Variants in MRPS35 observed in about 807,000 individuals in gnomAD.
MRPS35 encodes mitochondrial ribosomal protein S35.
MRPS35 carries 29 observed loss-of-function variants against 32.7 expected under a neutral mutation model. The ratio of observed to expected loss-of-function variants is 0.89; its 90% CI spans 0.66 to 1.21. The LOEUF (loss-of-function observed/expected upper bound fraction) is 1.21. MRPS35 is among the 50% of genes most tolerant of loss of function. The pLI, the probability that MRPS35 is intolerant of heterozygous loss-of-function variation, is 0.00. For synonymous variants in MRPS35, 148 were observed against 139.3 expected, an observed-to-expected ratio of 1.06 and a Z score of -0.44; for missense variants, 373 against 383.8, an observed-to-expected ratio of 0.97 and a Z score of 0.23.
At chr12:27,724,236 A>G in intron 5 of MRPS35, 50 bp downstream of exon 5, 1 of 1,431,096 alleles carries the variant, frequency 7.0e-7, no homozygotes, top group East Asian at 2.7e-5. Flanking sequence ...ATTCTAATAC[A>G]TTATTTAAAG....
At chr12:27,738,012 T>A (rs1043351338) in intron 7 of MRPS35, among the ~76,000 whole-genome samples, 1 of 152,192 alleles carries the variant, frequency 6.6e-6, no homozygotes, top group African/African-American at 2.4e-5. Context: ...TTATTGAAAT[T>A]TTTAGTTAAC....
intron 1 of MRPS35, among the ~76,000 whole-genome samples, chr12:27,714,047 C>T (rs1433900791): frequency 6.9e-5 from 10 of 145,532 alleles, no homozygotes; most frequent in African/African-American, 2.1e-4. Context: ...TGCAATCCAG[C>T]CTGGGCGAGA....
chr12:27,739,690 C>A (rs193165999), intron 7 of MRPS35, among the ~76,000 whole-genome samples: 88 of 152,334 alleles, frequency 5.8e-4, no homozygotes, highest in African/African-American at 1.9e-3. Context: ...AGCAACATGG[C>A]TGAATTAGCT....
intron 3 of MRPS35, among the ~76,000 whole-genome samples, chr12:27,716,767 C>T (rs1190468159): frequency 2.0e-5 from 3 of 152,110 alleles, no homozygotes; most frequent in African/African-American, 7.2e-5. Flanking sequence ...GTGGGCAGAT[C>T]ACTTGAGGTC....
chr12:27,737,558 A>G lies in MRPS35; in HGVS notation c.652A>G (p.Asn218Asp). The G allele has an allele frequency of 6.2e-7, 1 of 1,612,454 alleles. No individual in the cohort carries two copies. Among genetic ancestry groups the G allele is most frequent in the Non-Finnish European group, 8.5e-7 (1 of 1,178,746 alleles). ...KTDRCPLRRQ[N>D]YDYAVYLLTV... ...TAATAGGTGCCCTTTAAGGAGGCAGAATTACGATTATGCAGTGTATCTACT... is the reference window on the plus strand; with the variant it reads ...TAATAGGTGCCCTTTAAGGAGGCAGGATTACGATTATGCAGTGTATCTACT... The change falls in exon 7 of 8, where the codon AAT (asparagine) becomes GAT (aspartate). Residue 218 changes from asparagine (N) to aspartate (D), a missense_variant. Transcript: ENST00000081029.
At chr12:27,711,628 C>T (rs1221028747) in intron 1 of MRPS35, among the ~76,000 whole-genome samples, 2 of 151,980 alleles carry the variant, frequency 1.3e-5, no homozygotes, top group Admixed American at 6.6e-5. Context: ...AATTTACTCT[C>T]CTCATACTAC....
chr12:27,732,984 G>T (rs2061927368), intron 5 of MRPS35, among the ~76,000 whole-genome samples: 3 of 80,938 alleles, frequency 3.7e-5, no homozygotes, highest in Admixed American at 1.5e-4. Context: ...GTAGTCATTT[G>T]AAGATATATA....
At chr12:27,721,505 A>G (rs980518879) in intron 4 of MRPS35, among the ~76,000 whole-genome samples, 1 of 152,128 alleles carries the variant, frequency 6.6e-6, no homozygotes, top group Non-Finnish European at 1.5e-5. Flanking sequence ...AAAAAACACA[A>G]AAAATTAGCC....
intron 5 of MRPS35, among the ~76,000 whole-genome samples, chr12:27,730,717 C>T (rs2061919083): frequency 6.6e-6 from 1 of 152,148 alleles, no homozygotes; most frequent in Non-Finnish European, 1.5e-5. Flanking sequence ...GTGATACTCT[C>T]ACCTCAGCCT....
Position 27,755,423 on chromosome 12 carries a change from C to T in MRPS35, c.945C>T (p.Ser315=), listed in dbSNP as rs550370346. ...ATTCCATTTCTCAGTACAAAGAATC[C>T]GTGAAGAGACTATTAAATGTGACAT... ...NENSISQYKE[S]VKRLLNVT is the part of the protein sequence containing the mutation. The change falls in exon 8 of 8, where the codon TCC becomes TCT. Residue 315 remains serine (S), a synonymous_variant. Coordinates refer to ENST00000081029, the MANE Select transcript of MRPS35 (RefSeq NM_021821.4). 7.8e-5 allele frequency: 123 copies of T among 1,574,794 alleles called. 2 individuals are homozygous for T. In the South Asian group the frequency reaches 1.2e-3, roughly 15 times the overall value.
intron 7 of MRPS35, among the ~76,000 whole-genome samples, chr12:27,748,714 A>C (rs2061989726): frequency 6.6e-6 from 1 of 152,132 alleles, no homozygotes; most frequent in Non-Finnish European, 1.5e-5. Flanking sequence ...CCTGTCACCC[A>C]GGCTGGAGTG....
intron 7 of MRPS35, among the ~76,000 whole-genome samples, chr12:27,739,100 G>C (rs1191596146): frequency 6.6e-6 from 1 of 152,160 alleles, no homozygotes; most frequent in Non-Finnish European, 1.5e-5. Context: ...GTTTTGCCAT[G>C]TTGGCCAGGC....
In MRPS35 at chr12:27,710,857, C is replaced by G. The variant is rs202028360; in HGVS notation, c.14C>G (p.Ala5Gly). MAAA[A>G]LPAWLSLQSR... is the part of the protein sequence containing the mutation. ...GTCCTCGCAGCCATGGCGGCCGCCG[C>G]GCTCCCAGCATGGCTGTCTCTGCAG... The change falls in exon 1 of 8, where the codon GCG becomes GGG. Residue 5 changes from alanine (A) to glycine (G), a missense_variant. Coordinates refer to ENST00000081029, the MANE Select transcript of MRPS35 (RefSeq NM_021821.4). 3 of 1,607,836 alleles carry G rather than the reference C, an allele frequency of 1.9e-6. No individual in the cohort carries two copies. The Admixed American group carries it at 5.0e-5, about 27-fold the overall frequency.
rs185231126 is a variant in MRPS35 at position 27,753,368 on chromosome 12, T to A, written c.703-1813T>A. 3.5e-4 allele frequency among the ~76,000 whole-genome samples: 52 copies of A among 148,752 alleles called. 1 individual carries two copies. The highest frequency in any genetic ancestry group is 1.2e-3 in the African/African-American group (48 of 41,386). ...TTTGCTGACTCGGTGTTGTCCCCAG[T>A]GGCCTATTATTTGTGATCGGTGGGG... On this transcript the variant is annotated intron_variant, in intron 7 of 7. Coordinates refer to ENST00000081029, the MANE Select transcript of MRPS35 (RefSeq NM_021821.4).
At chr12:27,729,969 G>A (rs2061915312) in intron 5 of MRPS35, among the ~76,000 whole-genome samples, 1 of 152,180 alleles carries the variant, frequency 6.6e-6, no homozygotes, top group Non-Finnish European at 1.5e-5. Flanking sequence ...GCAGTTACCT[G>A]ATATACTTTT....
At chr12:27,737,640 C>A in intron 7 of MRPS35, 32 bp downstream of exon 7, 1 of 1,533,608 alleles carries the variant, frequency 6.5e-7, no homozygotes, top group South Asian at 1.1e-5. Flanking sequence ...ATGATTTTGT[C>A]ATTGTAATTT....
intron 5 of MRPS35, among the ~76,000 whole-genome samples, chr12:27,724,630 C>G (rs7978238): frequency 0.51 from 77,467 of 151,652 alleles, 20,026 homozygotes; most frequent in Admixed American, 0.63. Context: ...GTAATCCCAT[C>G]TACTCCGGAG....
Position 27,737,537 on chromosome 12 carries a change from A to G in MRPS35, c.633-2A>G, listed in dbSNP as rs2061947115. On this transcript the variant is annotated splice_acceptor_variant, in intron 6 of 7. Coordinates refer to ENST00000081029, the MANE Select transcript of MRPS35 (RefSeq NM_021821.4). LOFTEE classifies it high-confidence loss of function. ...TGACTTCTCCCGCTTTCTCTTTAAT[A>G]GGTGCCCTTTAAGGAGGCAGAATTA... The G allele has an allele frequency of 1.4e-5, 23 of 1,611,178 alleles. No individual in the cohort carries two copies. Among genetic ancestry groups the G allele is most frequent in the Non-Finnish European group, 1.8e-5 (21 of 1,178,012 alleles).
intron 7 of MRPS35, among the ~76,000 whole-genome samples, chr12:27,754,532 C>A (rs183958648): frequency 1.3e-5 from 2 of 151,740 alleles, no homozygotes; most frequent in Non-Finnish European, 2.9e-5. Flanking sequence ...TTTGAGAGGC[C>A]GTGGCAGAAT....
Sources: gnomAD v4.1 joint callset for allele counts (sites outside exome capture counted in the v4.1 genomes callset) on GRCh38, gnomAD v4.1.1 for gene constraint, MANE v1.5 for transcripts, NCBI Gene and HGNC (gene_info 2026-07-23, HGNC 2026-07-21) for gene names.